The following CUX2 variants were observed in gnomAD, a reference collection of about 807,000 sequenced individuals.
CUX2 encodes the protein homeobox protein cut-like 2.
Under a neutral mutation model 144.8 loss-of-function variants are expected in CUX2, and 40 were observed. That is an observed-to-expected ratio of 0.28 (90% CI 0.21 to 0.36). The LOEUF (loss-of-function observed/expected upper bound fraction) is 0.36. CUX2 is among the 10% of genes least tolerant of loss of function. The pLI is 1.00. For missense variants in CUX2, 1,615 were observed against 1,994.0 expected (o/e 0.81, Z 3.62); for synonymous variants, 827 against 875.6 (o/e 0.94, Z 0.98).
At chr12:111,056,639 A>G (rs1870541945) in intron 1 of CUX2, among the ~76,000 whole-genome samples, 1 of 152,102 alleles carries the variant, frequency 6.6e-6, no homozygotes, top group Non-Finnish European at 1.5e-5. Flanking sequence ...ACTTCCATCT[A>G]CTCTGCTGAT....
At chr12:111,297,908 A>T (rs1001028461) in intron 8 of CUX2, among the ~76,000 whole-genome samples, 4 of 152,136 alleles carry the variant, frequency 2.6e-5, no homozygotes, top group Non-Finnish European at 4.4e-5. Flanking sequence ...TCCTTTATCC[A>T]GGGTAGTCAG....
chr12:111,048,372 G>A (rs988709933), intron 1 of CUX2, among the ~76,000 whole-genome samples: 6 of 152,206 alleles, frequency 3.9e-5, no homozygotes, highest in African/African-American at 1.2e-4. Context: ...CAAACGTTTC[G>A]AGGACTAGCA....
intron 1 of CUX2, among the ~76,000 whole-genome samples, chr12:111,036,425 T>C (rs1869449145): frequency 2.6e-5 from 4 of 151,990 alleles, no homozygotes. Context: ...ACCCAAGGGG[T>C]CTTTTGTGGA....
intron 16 of CUX2, among the ~76,000 whole-genome samples, chr12:111,316,390 C>T (rs938333981): frequency 2.7e-5 from 4 of 149,790 alleles, no homozygotes; most frequent in Admixed American, 6.7e-5. Context: ...AGATGATCCG[C>T]CTGCCTCAAC....
chr12:111,092,910 G>GCTCAAATGATCCTCCCCAC (rs1022980923), intron 1 of CUX2, among the ~76,000 whole-genome samples: 5 of 150,118 alleles, frequency 3.3e-5, no homozygotes, highest in African/African-American at 1.2e-4. Flanking sequence ...TGCCTCCCAG[G>GCTCAAATGATCCTCCCCAC]CTCAAATGAT....
intron 1 of CUX2, among the ~76,000 whole-genome samples, chr12:111,134,608 C>CTGTGTGTG (rs1385633104): frequency 4.1e-4 from 56 of 138,008 alleles, no homozygotes; most frequent in African/African-American, 2.0e-3. Context: ...CTCTCTCTCT[C>CTGTGTGTG]TCTCTCTCTC....
At chr12:111,300,879 T>C (rs1000201046) in intron 9 of CUX2, among the ~76,000 whole-genome samples, 7 of 151,786 alleles carry the variant, frequency 4.6e-5, no homozygotes, top group African/African-American at 1.7e-4. Flanking sequence ...CTCTACAAAA[T>C]ATTTAAAAAC....
intron 3 of CUX2, among the ~76,000 whole-genome samples, chr12:111,253,604 C>T (rs1055952795): frequency 6.6e-6 from 1 of 152,266 alleles, no homozygotes; most frequent in African/African-American, 2.4e-5. Context: ...TGCCTCTAAA[C>T]ATGTCAGCTC....
At chr12:111,205,504 G>A (rs1038664087) in intron 1 of CUX2, among the ~76,000 whole-genome samples, 4 of 152,124 alleles carry the variant, frequency 2.6e-5, no homozygotes, top group Admixed American at 6.5e-5. Context: ...TGCACCAGGC[G>A]TTGAACTAGA....
At chr12:111,211,603 C>T (rs374158543) in intron 1 of CUX2, among the ~76,000 whole-genome samples, 20 of 152,256 alleles carry the variant, frequency 1.3e-4, no homozygotes, top group African/African-American at 4.6e-4. Context: ...GTGTCAGACA[C>T]GGCCGGGTGT....
At position 111,057,357 on chromosome 12, in the gene CUX2, G is replaced by A. The variant is rs994983064; in HGVS notation, c.63+23117G>A. ...TGAGGGAAGTTAGTGGGACAGAGAC[G>A]GCTATGTGAGTGGAGTGGAGTGGGT... On this transcript the variant is annotated intron_variant, in intron 1 of 21. Transcript: ENST00000261726. This position sits in a 1 kb window ranked among gnomAD's most constrained non-coding sequence, Gnocchi z 5.1. Among the ~76,000 whole-genome samples the A allele has an allele frequency of 6.6e-6, 1 of 151,442 alleles. No individual in the cohort carries two copies. The highest frequency in any genetic ancestry group is 2.1e-4 in the South Asian group (1 of 4,780).
intron 4 of CUX2, among the ~76,000 whole-genome samples, chr12:111,283,323 C>T (rs1330044678): frequency 6.6e-6 from 1 of 152,134 alleles, no homozygotes; most frequent in Admixed American, 6.6e-5. Context: ...CATGGTACAA[C>T]CGTCTGTTCC....
At position 111,293,673 on chromosome 12, in the gene CUX2, A is replaced by G; in HGVS notation, c.560+104A>G. ...GGGAAAGTCTCCTACCAGAATCCAG[A>G]TGCAGGCTGGAGACCGAGATGAGAA... On this transcript the variant is annotated intron_variant, in intron 6 of 21. Transcript: ENST00000261726. This position sits in a 1 kb window ranked among gnomAD's most constrained non-coding sequence, Gnocchi z 4.5. 1 of 1,435,130 alleles carries G rather than the reference A, an allele frequency of 7.0e-7. No individual in the cohort carries two copies. Among genetic ancestry groups the G allele is most frequent in the Non-Finnish European group, 9.3e-7 (1 of 1,074,084 alleles). 88.9% of individuals were successfully genotyped at this position (1,435,130 alleles called of 1,614,324 possible). A position where few individuals can be genotyped will look rare whatever the true frequency, so the allele number is the denominator to read the frequency against.
At chr12:111,149,429 GTTGTGGGGGGTTGCCTGTATA>G (rs1876899649) in intron 1 of CUX2, among the ~76,000 whole-genome samples, 1 of 152,190 alleles carries the variant, frequency 6.6e-6, no homozygotes, top group Non-Finnish European at 1.5e-5. Context: ...TGGATAGTCT[GTTGTGGGGGGTTGCCTGTATA>G]TTGTGGGGTG....
intron 8 of CUX2, among the ~76,000 whole-genome samples, chr12:111,297,485 G>A (rs1255327194): frequency 6.6e-6 from 1 of 152,188 alleles, no homozygotes. Context: ...ATAATGTCCT[G>A]GGACCTGGGC....
intron 1 of CUX2, among the ~76,000 whole-genome samples, chr12:111,193,306 G>A (rs891774550): frequency 2.0e-5 from 3 of 152,326 alleles, no homozygotes; most frequent in East Asian, 3.9e-4. Context: ...CGGCACAGCC[G>A]GCGGCTGACT....
chr12:111,139,388 A>G (rs891639938), intron 1 of CUX2, among the ~76,000 whole-genome samples: 1 of 152,092 alleles, frequency 6.6e-6, no homozygotes, highest in South Asian at 2.1e-4. Flanking sequence ...CTGGCCTGGG[A>G]TGAGCTGCAG....
rs561080297 is a variant in CUX2, at chr12:111,190,603, C to CA, written c.64-23596dup. Among the ~76,000 whole-genome samples the CA allele has an allele frequency of 9.0e-4, 137 of 152,290 alleles. No individual in the cohort carries two copies. Among genetic ancestry groups the CA allele is most frequent in the Non-Finnish European group, 1.5e-3 (101 of 68,026 alleles). On this transcript the variant is annotated intron_variant, in intron 1 of 21. Transcript: ENST00000261726. The surrounding 1 kb of genome is among the most constrained non-coding windows in gnomAD (Gnocchi z 4.0). ...GATGAGTTCATCTTTCCTGGACATCCAGAGAGACGCCTGGCATTTTTAGCT... is the reference window on the plus strand; with the variant it reads ...GATGAGTTCATCTTTCCTGGACATCCAAGAGAGACGCCTGGCATTTTTAGCT...
At chr12:111,118,297 A>G (rs995116896) in intron 1 of CUX2, among the ~76,000 whole-genome samples, 2 of 152,166 alleles carry the variant, frequency 1.3e-5, no homozygotes, top group Non-Finnish European at 2.9e-5. Flanking sequence ...GCATTTTACT[A>G]TTATATGCTC....
Sources: allele counts gnomAD v4.1 joint callset (sites outside exome capture counted in the v4.1 genomes callset), GRCh38; gene constraint gnomAD v4.1.1; non-coding constraint Gnocchi (gnomAD v3.1); transcripts MANE v1.5; gene names NCBI Gene and HGNC (gene_info 2026-07-23, HGNC 2026-07-21).